SEMA4B: variants seen among roughly 807,000 people sequenced by gnomAD.
SEMA4B encodes the protein semaphorin-4B.
Under a neutral mutation model 88.1 loss-of-function variants are expected in SEMA4B, and 55 were observed. That is an observed-to-expected ratio of 0.62 (90% CI 0.50 to 0.78). The LOEUF is 0.78. Among genes scored for constraint, SEMA4B ranks in the 30% least tolerant of loss-of-function variants. The pLI is 0.00. For missense variants in SEMA4B, 1,062 were observed against 1,111.9 expected, an observed-to-expected ratio of 0.96 and a Z score of 0.64; for synonymous variants, 525 against 473.6, an observed-to-expected ratio of 1.11 and a Z score of -1.41.
chr15:90,229,218 A>G lies in SEMA4B; in HGVS notation c.*575A>G. On this transcript the variant is annotated 3_prime_UTR_variant, in exon 14 of 14. Coordinates refer to ENST00000411539, the MANE Select transcript of SEMA4B (RefSeq NM_198925.4). ...CTGCCGTCGTCCCACCACCTCAGGG[A>G]CCAGAGGGCTAGGTTGGCACTGCGG... is the stretch of plus-strand genomic sequence containing the variant. 1 of 435,610 alleles carries G rather than the reference A, an allele frequency of 2.3e-6. No individual in the cohort carries two copies. The highest frequency in any genetic ancestry group is 4.7e-6 in the Non-Finnish European group (1 of 214,808). The allele number at this position is 435,610 out of a possible 1,614,324, so 27.0% of individuals were successfully genotyped here. A position where few individuals can be genotyped will look rare whatever the true frequency, so the allele number is the denominator to read the frequency against.
intron 8 of SEMA4B, 44 bp downstream of exon 8, chr15:90,223,784 G>A: frequency 6.2e-7 from 1 of 1,605,780 alleles, no homozygotes; most frequent in Non-Finnish European, 8.5e-7. Context: ...GTGAAGGGTG[G>A]CTGGGACTGG....
chr15:90,196,779 A>G (rs1360741646), upstream of SEMA4B, among the ~76,000 whole-genome samples: 2 of 152,132 alleles, frequency 1.3e-5, no homozygotes, highest in Admixed American at 1.3e-4. Flanking sequence ...GAGCCACTGC[A>G]CCCGGCCTCT....
upstream of SEMA4B, among the ~76,000 whole-genome samples, chr15:90,198,211 C>T (rs1960579577): frequency 6.6e-6 from 1 of 152,136 alleles, no homozygotes; most frequent in Non-Finnish European, 1.5e-5. Context: ...GCCACCGCGC[C>T]TGGCTGGTAA....
chr15:90,220,244 C>T (rs1459000097), intron 4 of SEMA4B: 2 of 212,152 alleles, frequency 9.4e-6, no homozygotes, highest in Non-Finnish European at 1.9e-5. Flanking sequence ...ACACCCCTAG[C>T]AGAGGGTGGC....
intron 1 of SEMA4B, among the ~76,000 whole-genome samples, chr15:90,208,761 T>C (rs992795823): frequency 3.3e-5 from 5 of 151,736 alleles, no homozygotes; most frequent in Non-Finnish European, 5.9e-5. Context: ...TCTTTTTTTT[T>C]TTTGAGATGG....
Position 90,228,845 on chromosome 15 carries a change from C to G in SEMA4B, c.*202C>G, listed in dbSNP as rs1296481828. On this transcript the variant is annotated 3_prime_UTR_variant, in exon 14 of 14. Transcript: ENST00000411539. The stretch of plus-strand genomic sequence containing the variant: ...CCCAGACACCCAAACAGCCGTGGCC[C>G]CAGAGGTCCTGGCCAAATATGGGGG... The G allele has an allele frequency of 1.5e-6, 1 of 689,006 alleles. No individual in the cohort carries two copies. Among genetic ancestry groups the G allele is most frequent in the Non-Finnish European group, 2.4e-6 (1 of 420,394 alleles). The allele number at this position is 689,006 out of a possible 1,614,324, so 42.7% of individuals were successfully genotyped here. A position where few individuals can be genotyped will look rare whatever the true frequency, so the allele number is the denominator to read the frequency against.
intron 7 of SEMA4B, among the ~76,000 whole-genome samples, chr15:90,222,417 A>G (rs1961908794): frequency 6.6e-6 from 1 of 151,582 alleles, no homozygotes; most frequent in African/African-American, 2.4e-5. Flanking sequence ...TAATAATACA[A>G]AAGTTAGCTG....
At chr15:90,204,524 G>T (rs889151738) in intron 1 of SEMA4B, among the ~76,000 whole-genome samples, 20 of 152,174 alleles carry the variant, frequency 1.3e-4, no homozygotes, top group African/African-American at 4.6e-4. Context: ...GCCACTGGGG[G>T]CTCCACAGTC....
At chr15:90,206,854 A>G in intron 1 of SEMA4B, 1 of 719,144 alleles carries the variant, frequency 1.4e-6, no homozygotes, top group Non-Finnish European at 2.6e-6. Context: ...TCAAATTGAC[A>G]GAGAGGGGAA....
chr15:90,196,021 G>A (rs537637038), intron 1 of SEMA4B, among the ~76,000 whole-genome samples: 20 of 148,380 alleles, frequency 1.3e-4, no homozygotes, highest in African/African-American at 4.8e-4. Flanking sequence ...CTGGGTTCAC[G>A]ACATTCTCCT....
intron 7 of SEMA4B, among the ~76,000 whole-genome samples, chr15:90,222,127 A>C (rs1252844040): frequency 6.7e-6 from 1 of 150,176 alleles, no homozygotes; most frequent in Non-Finnish European, 1.5e-5. Flanking sequence ...TTTTGTAGAG[A>C]TGGGGTTTTA....
At chr15:90,199,537 T>A (rs1436105161), upstream of SEMA4B, among the ~76,000 whole-genome samples, 1 of 151,986 alleles carries the variant, frequency 6.6e-6, no homozygotes, top group South Asian at 2.1e-4. Flanking sequence ...GTAGAAATAT[T>A]GAGGCCGGGT....
In SEMA4B at chr15:90,223,979, G is replaced by A; in HGVS notation, c.1185G>A (p.Arg395=). Residue 395 remains arginine, a synonymous_variant, in exon 9 of 14, where the codon CGG becomes CGA. Transcript: ENST00000411539. The stretch of plus-strand genomic sequence containing the variant: ...TGACCCACCCGGTGCCCACACCCCG[G>A]CCTGGAGCGGTGGGTACTGGCTCCC... ...YTVTHPVPTP[R]PGACITNSAR... 6.2e-7 allele frequency: 1 copy of A among 1,612,654 alleles called. No individual in the cohort carries two copies. Among genetic ancestry groups the A allele is most frequent in the South Asian group, 1.1e-5 (1 of 91,054 alleles).
intron 4 of SEMA4B, chr15:90,220,298 C>T (rs1441292790): frequency 5.6e-6 from 1 of 178,358 alleles, no homozygotes; most frequent in Non-Finnish European, 1.2e-5. Context: ...GTCAGACACA[C>T]CTGGGTTTGA....
At position 90,225,360 on chromosome 15, in the gene SEMA4B, G is replaced by C; in HGVS notation, c.1484G>C (p.Gly495Ala). 2.6e-6 allele frequency: 4 copies of C among 1,554,272 alleles called. No individual in the cohort carries two copies. In the East Asian group the frequency reaches 9.7e-5, roughly 38 times the overall value. ...GAGGAGCTGCAGATCTTCTCATCGGGACAGCCCGTGCAGAATCTGCTCCTG... is the reference window on the plus strand; with the variant it reads ...GAGGAGCTGCAGATCTTCTCATCGGCACAGCCCGTGCAGAATCTGCTCCTG... The part of the protein sequence containing the change: ...IIEELQIFSS[G>A]QPVQNLLLDT... Residue 495 changes from glycine to alanine, a missense_variant, in exon 11 of 14, where the codon GGA becomes GCA. By Grantham distance (60) the Gly-to-Ala change is moderately conservative (BLOSUM62 0). Transcript: ENST00000411539.
upstream of SEMA4B, among the ~76,000 whole-genome samples, chr15:90,196,558 A>C (rs193128729): frequency 1.3e-5 from 2 of 151,928 alleles, no homozygotes; most frequent in Admixed American, 1.3e-4. Flanking sequence ...GTGATCTCGG[A>C]TCACTGCAAC....
chr15:90,188,891 G>C (rs1266731312), intron 1 of SEMA4B, among the ~76,000 whole-genome samples: 2 of 151,782 alleles, frequency 1.3e-5, no homozygotes, highest in Non-Finnish European at 2.9e-5. Flanking sequence ...GATGGTCTAC[G>C]ATCTCCTGAC....
At chr15:90,223,060 A>G (rs1322021835) in intron 7 of SEMA4B, among the ~76,000 whole-genome samples, 2 of 151,016 alleles carry the variant, frequency 1.3e-5, no homozygotes, top group African/African-American at 2.4e-5. Flanking sequence ...CCGCTGCCCA[A>G]TCTCAAGCAA....
chr15:90,204,463 C>T (rs957131661), intron 1 of SEMA4B, among the ~76,000 whole-genome samples: 10 of 152,088 alleles, frequency 6.6e-5, no homozygotes, highest in African/African-American at 2.4e-4. Flanking sequence ...TGCAGGGAGC[C>T]GATTTGTGGC....
Sources: allele counts gnomAD v4.1 joint callset (sites outside exome capture counted in the v4.1 genomes callset), GRCh38; gene constraint gnomAD v4.1.1; transcripts MANE v1.5; gene names NCBI Gene and HGNC (gene_info 2026-07-23, HGNC 2026-07-21).